Variants in DTNA observed in about 807,000 individuals in gnomAD.
The protein encoded by DTNA is dystrobrevin alpha.
In DTNA, 43 loss-of-function variants were observed where a neutral mutation model predicts 100.7. The observed-to-expected ratio is 0.43, with a 90% CI of 0.33 to 0.55. DTNA has a LOEUF of 0.55. Ranked by LOEUF, DTNA falls within the 20% of genes least tolerant of loss-of-function variation. DTNA has a pLI of 0.04. For missense variants in DTNA, 798 were observed against 953.9 expected, an observed-to-expected ratio of 0.84 and a Z score of 2.15; for synonymous variants, 349 against 347.9, an observed-to-expected ratio of 1.00 and a Z score of -0.04.
At chr18:34,503,555 A>G (rs1466223473) in intron 1 of DTNA, among the ~76,000 whole-genome samples, 1 of 152,002 alleles carries the variant, frequency 6.6e-6, no homozygotes, top group Non-Finnish European at 1.5e-5. Flanking sequence ...AAGCGCTGGG[A>G]TTATAGGCGT....
intron 4 of DTNA, among the ~76,000 whole-genome samples, chr18:34,795,285 C>G (rs1020811937): frequency 6.6e-6 from 1 of 152,212 alleles, no homozygotes; most frequent in Admixed American, 6.5e-5. Context: ...CCAGCTGTCA[C>G]TTTGCAACTT....
Position 34,889,722 on chromosome 18 carries a change from A to G in DTNA, c.*1988A>G, listed in dbSNP as rs1009497006. The G allele has an allele frequency of 2.6e-5, 26 of 985,856 alleles. No individual in the cohort carries two copies. Among genetic ancestry groups the G allele is most frequent in the East Asian group, 1.1e-4 (1 of 8,820 alleles). The allele number at this position is 985,856 out of a possible 1,614,324, so 61.1% of individuals were successfully genotyped here. A position where few individuals can be genotyped will look rare whatever the true frequency, so the allele number is the denominator to read the frequency against. On this transcript the variant is annotated 3_prime_UTR_variant, in exon 23 of 23. Transcript: ENST00000444659. ...CTCAATTGGCATTAGTGAGAAGCCCATCCTATCCCTTGACATACTTAATCA... is the reference window on the plus strand; with the variant it reads ...CTCAATTGGCATTAGTGAGAAGCCCGTCCTATCCCTTGACATACTTAATCA...
intron 3 of DTNA, among the ~76,000 whole-genome samples, chr18:34,792,441 A>C (rs2094790343): frequency 6.6e-6 from 1 of 152,226 alleles, no homozygotes; most frequent in Admixed American, 6.5e-5. Context: ...TCAAGAAAAA[A>C]GTCACATAGC....
chr18:34,618,900 G>A (rs1240610870), intron 1 of DTNA, among the ~76,000 whole-genome samples: 1 of 152,084 alleles, frequency 6.6e-6, no homozygotes, highest in South Asian at 2.1e-4. Context: ...AGAGTGTAGG[G>A]GAAAGACACA....
At chr18:34,586,938 G>T (rs1162343321) in intron 1 of DTNA, among the ~76,000 whole-genome samples, 1 of 151,794 alleles carries the variant, frequency 6.6e-6, no homozygotes, top group Admixed American at 6.6e-5. Flanking sequence ...CCACCCCAGG[G>T]TATAGAAAAA....
At chr18:34,698,515 AT>A in intron 1 of DTNA, among the ~76,000 whole-genome samples, 1 of 152,274 alleles carries the variant, frequency 6.6e-6, no homozygotes, top group African/African-American at 2.4e-5. Context: ...CTCTTTTTAC[AT>A]TCTCTCCTCT....
At chr18:34,813,617 G>A (rs991751924) in intron 6 of DTNA, among the ~76,000 whole-genome samples, 3 of 152,048 alleles carry the variant, frequency 2.0e-5, no homozygotes, top group African/African-American at 7.2e-5. Context: ...CACTTTGGGA[G>A]GCCAAGGCGG....
intron 9 of DTNA, among the ~76,000 whole-genome samples, chr18:34,823,859 G>A (rs1230260808): frequency 1.3e-5 from 2 of 152,194 alleles, no homozygotes; most frequent in Non-Finnish European, 2.9e-5. Flanking sequence ...TGAGTGGGGT[G>A]CAAGCATTGG....
Position 34,806,161 on chromosome 18 carries a change from T to C in DTNA, c.363-58T>C, listed in dbSNP as rs4458079. 168,632 of 1,462,166 alleles carry C rather than the reference T, an allele frequency of 0.12. 10,649 individuals are homozygous for C. Among genetic ancestry groups the C allele is most frequent in the East Asian group, 0.2 (8,872 of 43,510 alleles). The allele number at this position is 1,462,166 out of a possible 1,614,324, so 90.6% of individuals were successfully genotyped here. A position where few individuals can be genotyped will look rare whatever the true frequency, so the allele number is the denominator to read the frequency against. On this transcript the variant is annotated intron_variant, in intron 4 of 22. Transcript: ENST00000444659. Reference sequence around the variant, plus strand: ...ACCTTGTTGCTGGAAGTACTCCAAATGACATCATGGTTTTGTTTTGTTTTT... The same window carrying C: ...ACCTTGTTGCTGGAAGTACTCCAAACGACATCATGGTTTTGTTTTGTTTTT...
chr18:34,647,389 G>C (rs2059966577), intron 1 of DTNA, among the ~76,000 whole-genome samples: 1 of 152,162 alleles, frequency 6.6e-6, no homozygotes, highest in Non-Finnish European at 1.5e-5. Context: ...TCAGATTCTA[G>C]CCACCAGTAG....
intron 1 of DTNA, among the ~76,000 whole-genome samples, chr18:34,496,161 G>GA (rs1423107112): frequency 2.0e-5 from 3 of 149,286 alleles, no homozygotes; most frequent in Non-Finnish European, 4.4e-5. Context: ...GTGGATATGA[G>GA]AAAAAATATT....
At position 34,889,347 on chromosome 18, in the gene DTNA, GGGGTT is replaced by G; in HGVS notation, c.*1618_*1622del. 1.0e-6 allele frequency: 1 copy of G among 982,292 alleles called. No individual in the cohort carries two copies. The highest frequency in any genetic ancestry group is 1.2e-6 in the Non-Finnish European group (1 of 827,122). The allele number at this position is 982,292 out of a possible 1,614,324, so 60.8% of individuals were successfully genotyped here. ...CAGGCCTACTGAATCAGAAGCTCTGGGGGTTGGGTCCAGAAGTCTGTTTTAGTCAA... is the reference window on the plus strand; with the variant it reads ...CAGGCCTACTGAATCAGAAGCTCTGGGGGTCCAGAAGTCTGTTTTAGTCAA... On this transcript the variant is annotated 3_prime_UTR_variant, in exon 23 of 23. Coordinates refer to ENST00000444659, the MANE Select transcript of DTNA (RefSeq NM_001386795.1).
At chr18:34,866,482 C>T in intron 17 of DTNA, 5 of 1,204,006 alleles carry the variant, frequency 4.2e-6, no homozygotes, top group Non-Finnish European at 5.2e-6. Flanking sequence ...AGAGAGATAC[C>T]ACAGTCACTA....
At chr18:34,833,404 C>CTGTATG (rs138504259) in intron 11 of DTNA, among the ~76,000 whole-genome samples, 45 of 145,000 alleles carry the variant, frequency 3.1e-4, no homozygotes, top group African/African-American at 1.0e-3. Flanking sequence ...CATTGTGTCA[C>CTGTATG]TGTGTGTGTG....
intron 3 of DTNA, among the ~76,000 whole-genome samples, chr18:34,777,200 A>G (rs2094104378): frequency 6.6e-6 from 1 of 152,228 alleles, no homozygotes; most frequent in East Asian, 1.9e-4. Flanking sequence ...TTCTTTGGGC[A>G]AAGATCAGTG....
intron 1 of DTNA, among the ~76,000 whole-genome samples, chr18:34,743,482 TG>T: frequency 6.6e-6 from 1 of 152,148 alleles, no homozygotes; most frequent in East Asian, 1.9e-4. Flanking sequence ...AGAATTTAAG[TG>T]GAGGAAGGAA....
chr18:34,800,020 G>A (rs1427505197), intron 4 of DTNA, among the ~76,000 whole-genome samples: 2 of 152,090 alleles, frequency 1.3e-5, no homozygotes, highest in African/African-American at 4.8e-5. Context: ...ACTTCACTAC[G>A]CCCCAAACCA....
intron 1 of DTNA, among the ~76,000 whole-genome samples, chr18:34,723,164 C>CA (rs58049019): frequency 0.015 from 2,233 of 150,460 alleles, 59 homozygotes; most frequent in African/African-American, 0.052. Context: ...TACTGCAACT[C>CA]AAAAAAAAAT....
chr18:34,756,148 A>T, intron 2 of DTNA, 105 bp downstream of exon 2: 1 of 1,335,882 alleles, frequency 7.5e-7, no homozygotes, highest in Non-Finnish European at 1.0e-6. Context: ...TTTCCTTAGG[A>T]TCCTAAGTTC....
Sources: gnomAD v4.1 joint callset for allele counts (sites outside exome capture counted in the v4.1 genomes callset) on GRCh38, gnomAD v4.1.1 for gene constraint, MANE v1.5 for transcripts, NCBI Gene and HGNC (gene_info 2026-07-23, HGNC 2026-07-21) for gene names.